The following STEAP3 variants were observed in gnomAD, a reference collection of about 807,000 sequenced individuals.
The protein encoded by STEAP3 is STEAP3 metalloreductase.
In STEAP3, 35 loss-of-function variants were observed where a neutral mutation model predicts 34.9. The observed-to-expected ratio is 1.00, with a 90% CI of 0.76 to 1.33. STEAP3 has a LOEUF of 1.33. Among genes scored for constraint, STEAP3 ranks in the 40% most tolerant of loss-of-function variants. STEAP3 has a pLI of 0.00. For synonymous variants in STEAP3, 281 were observed against 301.6 expected (o/e 0.93, Z 0.71); for missense variants, 652 against 667.6 (o/e 0.98, Z 0.26).
Position 119,263,337 on chromosome 2 carries a change from G to A in STEAP3, c.1496G>A (p.Ter499=), listed in dbSNP as rs1260369114. 2 of 1,612,036 alleles carry A rather than the reference G, an allele frequency of 1.2e-6. No homozygotes were observed. The highest frequency in any genetic ancestry group is 2.2e-5 in the South Asian group (2 of 90,710). The part of the protein sequence containing the change: ...HALAEKTSHV[*] Reference sequence around the variant, plus strand: ...CTGGCCGAGAAGACGAGCCACGTATGAGGTGCCTGCCCTGGGCTCTGGACC... The same window carrying A: ...CTGGCCGAGAAGACGAGCCACGTATAAGGTGCCTGCCCTGGGCTCTGGACC... The change falls in exon 6 of 6, where the codon TGA becomes TAA. Residue 499 remains the stop codon, a stop_retained_variant. Transcript: ENST00000393110.
At chr2:119,262,993 G>T in intron 5 of STEAP3, 64 bp from the exon 6 acceptor site, 1 of 1,575,726 alleles carries the variant, frequency 6.3e-7, no homozygotes, top group Non-Finnish European at 8.6e-7. Context: ...CAGATGAGTC[G>T]TTGGCAGGAT....
rs374652248 is a variant in STEAP3 at position 119,263,170 on chromosome 2, G to A, written c.1329G>A (p.Thr443=). ...AGTTCTACCTGCCTCCCACCTTCAC[G>A]CTCACGCTGCTGGTGCCCTGCGTCG... is the stretch of plus-strand genomic sequence containing the variant. ...RYKFYLPPTF[T]LTLLVPCVVI... is the part of the protein sequence containing the mutation. Residue 443 remains threonine (T), a synonymous_variant, in exon 6 of 6, where the codon ACG becomes ACA. Coordinates refer to ENST00000393110, the MANE Select transcript of STEAP3 (RefSeq NM_182915.3). The A allele has an allele frequency of 9.3e-6, 15 of 1,613,932 alleles. No individual in the cohort carries two copies. The highest frequency in any genetic ancestry group is 6.7e-5 in the East Asian group (3 of 44,900).
chr2:119,250,519 G>A (rs1199646884), intron 4 of STEAP3, among the ~76,000 whole-genome samples: 3 of 152,132 alleles, frequency 2.0e-5, no homozygotes, highest in Non-Finnish European at 2.9e-5. Flanking sequence ...GAGGCTCTGC[G>A]GGGCTCCCTG....
At position 119,245,430 on chromosome 2, in the gene STEAP3, G is replaced by A. The variant is rs1467941610; in HGVS notation, c.23-59G>A. The A allele has an allele frequency of 2.0e-5, 31 of 1,519,854 alleles. 1 individual carries two copies. The highest frequency in any genetic ancestry group is 1.3e-4 in the Admixed American group (6 of 46,438). The allele number at this position is 1,519,854 out of a possible 1,614,324, so 94.1% of individuals were successfully genotyped here. A position where few individuals can be genotyped will look rare whatever the true frequency, so the allele number is the denominator to read the frequency against. On this transcript the variant is annotated intron_variant, in intron 2 of 5. Coordinates refer to ENST00000393110, the MANE Select transcript of STEAP3 (RefSeq NM_182915.3). The stretch of plus-strand genomic sequence containing the variant: ...AGTTACGATGTATAAGAGGAGGGAG[G>A]TGGCAGAAGGGGCAGTCCAGGAGCC...
At chr2:119,237,529 T>C (rs1043273226) in intron 2 of STEAP3, among the ~76,000 whole-genome samples, 1 of 152,134 alleles carries the variant, frequency 6.6e-6, no homozygotes, top group Non-Finnish European at 1.5e-5. Flanking sequence ...GCACCTCCAG[T>C]ATTGGAGATC....
At chr2:119,251,466 A>T (rs982593882) in intron 4 of STEAP3, among the ~76,000 whole-genome samples, 2 of 152,166 alleles carry the variant, frequency 1.3e-5, no homozygotes, top group Non-Finnish European at 2.9e-5. Flanking sequence ...ATTTCCCTGG[A>T]AATACACATT....
At chr2:119,245,402 T>G (rs1677381070) in intron 2 of STEAP3, 87 bp from the exon 3 acceptor site, 4 of 1,506,252 alleles carry the variant, frequency 2.7e-6, no homozygotes, top group Non-Finnish European at 3.6e-6. Context: ...CTGACTGCCG[T>G]GTAGTTACGA....
intron 3 of STEAP3, among the ~76,000 whole-genome samples, chr2:119,247,143 A>C (rs1471135390): frequency 6.6e-6 from 1 of 152,124 alleles, no homozygotes; most frequent in Non-Finnish European, 1.5e-5. Flanking sequence ...AGCGGGCTTC[A>C]AGGCGGAGAG....
In STEAP3 at chr2:119,263,081, G is replaced by A. The variant is rs1473184416; in HGVS notation, c.1240G>A (p.Val414Met). 3.9e-5 allele frequency: 63 copies of A among 1,608,044 alleles called. No homozygotes were observed. Among genetic ancestry groups the A allele is most frequent in the Middle Eastern group, 1.9e-4 (1 of 5,338 alleles). The change falls in exon 6 of 6, where the codon GTG (valine) becomes ATG (methionine). Residue 414 changes from valine (V) to methionine (M), a missense_variant. Coordinates refer to ENST00000393110, the MANE Select transcript of STEAP3 (RefSeq NM_182915.3). ...VQSSLGFVAL[V>M]LSTLHTLTYG... is the part of the protein sequence containing the mutation. ...GTCCTCACTGGGCTTTGTGGCCCTC[G>A]TGCTGAGCACACTGCACACGCTCAC...
intron 1 of STEAP3, among the ~76,000 whole-genome samples, chr2:119,227,812 A>ATTTG: frequency 7.8e-6 from 1 of 128,592 alleles, no homozygotes; most frequent in South Asian, 3.4e-4. Context: ...CATTTCTTGT[A>ATTTG]TTTATTTATT....
At position 119,230,958 on chromosome 2, in the gene STEAP3, C is replaced by T; in HGVS notation, c.-55C>T. Reference sequence around the variant, plus strand: ...AGACTGAGCCAGAAAGGGTGGCTCACCTCACGGTGAGGCTGTCGAGTGACC... The same window carrying T: ...AGACTGAGCCAGAAAGGGTGGCTCATCTCACGGTGAGGCTGTCGAGTGACC... On this transcript the variant is annotated 5_prime_UTR_variant, in exon 2 of 6. Coordinates refer to ENST00000393110, the MANE Select transcript of STEAP3 (RefSeq NM_182915.3). 6.2e-7 allele frequency: 1 copy of T among 1,613,522 alleles called. No individual in the cohort carries two copies. The highest frequency in any genetic ancestry group is 8.5e-7 in the Non-Finnish European group (1 of 1,179,432).
intron 1 of STEAP3, among the ~76,000 whole-genome samples, chr2:119,226,091 G>C (rs73948617): frequency 0.038 from 5,777 of 152,308 alleles, 335 homozygotes; most frequent in South Asian, 0.17. Context: ...GCTGGCCTTG[G>C]CTCCAAGTCC....
chr2:119,229,106 T>G (rs564864024), intron 1 of STEAP3, among the ~76,000 whole-genome samples: 1 of 152,100 alleles, frequency 6.6e-6, no homozygotes, highest in Non-Finnish European at 1.5e-5. Flanking sequence ...CCCACCCACT[T>G]AAACTGCCCG....
At chr2:119,225,382 A>G (rs1679006493) in intron 1 of STEAP3, among the ~76,000 whole-genome samples, 1 of 152,212 alleles carries the variant, frequency 6.6e-6, no homozygotes, top group African/African-American at 2.4e-5. Flanking sequence ...CAGGTATGGA[A>G]GTGACACAGT....
chr2:119,241,316 C>T (rs1190538508), intron 2 of STEAP3, among the ~76,000 whole-genome samples: 5 of 152,162 alleles, frequency 3.3e-5, no homozygotes, highest in Non-Finnish European at 5.9e-5. Flanking sequence ...ACCCACAGCC[C>T]GTGCCTTTAA....
In STEAP3 at chr2:119,245,613, T is replaced by G. The variant is rs752579788; in HGVS notation, c.147T>G (p.Phe49Leu). The part of the protein sequence containing the change: ...PKVGILGSGD[F>L]ARSLATRLVG... ...TGGGCATCCTGGGTAGCGGGGACTTTGCCCGCTCCCTGGCCACACGCCTGG... is the reference window on the plus strand; with the variant it reads ...TGGGCATCCTGGGTAGCGGGGACTTGGCCCGCTCCCTGGCCACACGCCTGG... Residue 49 changes from phenylalanine to leucine, a missense_variant, in exon 3 of 6, where the codon TTT (phenylalanine) becomes TTG (leucine). Phe to Leu is a conservative substitution (Grantham distance 22, BLOSUM62 0). Coordinates refer to ENST00000393110, the MANE Select transcript of STEAP3 (RefSeq NM_182915.3). 1.2e-6 allele frequency: 2 copies of G among 1,609,650 alleles called. No homozygotes were observed. The highest frequency in any genetic ancestry group is 2.2e-5 in the South Asian group (2 of 91,026).
Position 119,258,774 on chromosome 2 carries a change from A to ATTTTTTTTTTT in STEAP3, c.1215+3937_1215+3947dup, listed in dbSNP as rs57860527. On this transcript the variant is annotated intron_variant, in intron 5 of 5. Coordinates refer to ENST00000393110, the MANE Select transcript of STEAP3 (RefSeq NM_182915.3). ...AGGCGCCCGGCACCACACCTGGCTA[A>ATTTTTTTTTTT]TTTTTTTTTTTTTTTTTTTTTGTAT... is the stretch of plus-strand genomic sequence containing the variant. Among the ~76,000 whole-genome samples, 6 of 121,050 alleles carry ATTTTTTTTTTT rather than the reference A, an allele frequency of 5.0e-5. No individual in the cohort carries two copies. The East Asian group carries it at 7.6e-4, about 15-fold the overall frequency. The allele number at this position is 121,050 out of a possible 152,430, so 79.4% of individuals were successfully genotyped here.
intron 1 of STEAP3, among the ~76,000 whole-genome samples, chr2:119,228,998 C>T (rs905207497): frequency 6.6e-6 from 1 of 152,166 alleles, no homozygotes; most frequent in Non-Finnish European, 1.5e-5. Flanking sequence ...CCAAAGAGAT[C>T]TGGAGACCCC....
Position 119,230,898 on chromosome 2 carries a change from G to A in STEAP3, c.-115G>A, listed in dbSNP as rs187564339. The A allele has an allele frequency of 4.2e-5, 61 of 1,448,338 alleles. No individual in the cohort carries two copies. The highest frequency in any genetic ancestry group is 1.4e-4 in the South Asian group (12 of 87,182). 89.7% of individuals were successfully genotyped at this position (1,448,338 alleles called of 1,614,324 possible). On this transcript the variant is annotated 5_prime_UTR_variant, in exon 2 of 6. Transcript: ENST00000393110. ...CAGGGCCCTCGCCTCCTGAGAAACC[G>A]AGAGTCAGAACCAAAGCCAGGCTGT...
Sources: gnomAD v4.1 joint callset for allele counts (sites outside exome capture counted in the v4.1 genomes callset) on GRCh38, gnomAD v4.1.1 for gene constraint, MANE v1.5 for transcripts, NCBI Gene and HGNC (gene_info 2026-07-23, HGNC 2026-07-21) for gene names.